The following SMPDL3B variants were observed in gnomAD, a reference collection of about 807,000 sequenced individuals.
The protein encoded by SMPDL3B is sphingomyelin phosphodiesterase acid like 3B.
A neutral mutation model predicts 37.9 loss-of-function variants in SMPDL3B; 31 were observed. The observed-to-expected ratio is 0.82, with a 90% CI of 0.61 to 1.10. SMPDL3B has a LOEUF of 1.10. Ranked by LOEUF, SMPDL3B falls within the 50% of genes least tolerant of loss-of-function variation. The probability of loss-of-function intolerance (pLI) is 0.00; values close to 1 mark genes in which losing one functional copy is unlikely to be tolerated. For synonymous variants in SMPDL3B, 235 were observed against 242.6 expected (o/e 0.97, Z 0.29); for missense variants, 525 against 597.8 (o/e 0.88, Z 1.27).
At chr1:27,953,145 C>G in intron 3 of SMPDL3B, 70 bp from the exon 4 acceptor site, 1 of 1,303,390 alleles carries the variant, frequency 7.7e-7, no homozygotes, top group Non-Finnish European at 1.1e-6. Context: ...GGCCAGTGGC[C>G]AACAGAAAAT....
intron 1 of SMPDL3B, among the ~76,000 whole-genome samples, chr1:27,935,507 T>C (rs1283604233): frequency 6.6e-6 from 1 of 151,786 alleles, no homozygotes; most frequent in African/African-American, 2.4e-5. Flanking sequence ...TTAGTAGAGG[T>C]AGGAGGTGGC....
At chr1:27,935,887 G>A (rs2090303762) in intron 1 of SMPDL3B, among the ~76,000 whole-genome samples, 1 of 152,142 alleles carries the variant, frequency 6.6e-6, no homozygotes, top group African/African-American at 2.4e-5. Flanking sequence ...GGTCTGAGGT[G>A]GACACACAGG....
At chr1:27,947,476 G>T (rs953910832) in intron 2 of SMPDL3B, among the ~76,000 whole-genome samples, 11 of 151,084 alleles carry the variant, frequency 7.3e-5, no homozygotes, top group African/African-American at 2.4e-5. Context: ...TCCCTTTGAG[G>T]ATGGCCATTA....
intron 5 of SMPDL3B, among the ~76,000 whole-genome samples, chr1:27,954,902 C>T (rs12031999): frequency 0.82 from 125,179 of 152,208 alleles, 54,047 homozygotes; most frequent in Non-Finnish European, 0.96. Flanking sequence ...GTCCAGCTAG[C>T]CTGCTGGCCT....
At chr1:27,947,572 T>C (rs562234906) in intron 2 of SMPDL3B, among the ~76,000 whole-genome samples, 5 of 144,752 alleles carry the variant, frequency 3.5e-5, no homozygotes, top group Admixed American at 6.8e-5. Flanking sequence ...GAGCCGAAAT[T>C]GCGCCACTGC....
chr1:27,958,530 C>T lies in SMPDL3B; in HGVS notation c.1060C>T (p.Arg354Cys), dbSNP rs1468540189. 6.2e-6 allele frequency: 10 copies of T among 1,613,656 alleles called. No homozygotes were observed. Among genetic ancestry groups the T allele is most frequent in the East Asian group, 4.5e-5 (2 of 44,890 alleles). Residue 354 changes from arginine to cysteine, a missense_variant, in exon 8 of 8, where the codon CGC becomes TGC. Coordinates refer to ENST00000373894, the MANE Select transcript of SMPDL3B (RefSeq NM_014474.4). The surrounding 1 kb of genome is among the most constrained non-coding windows in gnomAD (Gnocchi z 5.6). ...CCAGGCGAATGCTCAGGGGACGCCG[C>T]GCTGGGAGCTCGAGTACCAGCTGAC... ...LSQANAQGTP[R>C]WELEYQLTEA... is the part of the protein sequence containing the mutation.
At chr1:27,935,457 C>T (rs977967126) in intron 1 of SMPDL3B, among the ~76,000 whole-genome samples, 8 of 151,998 alleles carry the variant, frequency 5.3e-5, no homozygotes, top group Admixed American at 2.0e-4. Flanking sequence ...GGAGGGACAC[C>T]GACATTGCGA....
rs1557490194 is a variant in SMPDL3B at position 27,938,678 on chromosome 1, A to G, written c.61+3434A>G. Among the ~76,000 whole-genome samples, 4 of 152,360 alleles carry G rather than the reference A, an allele frequency of 2.6e-5. No homozygotes were observed. The South Asian group carries it at 8.3e-4, about 32-fold the overall frequency. On this transcript the variant is annotated intron_variant, in intron 1 of 7. Transcript: ENST00000373894. ...GTATGATGGGGCGAAAGCCTTAGGC[A>G]TTCATTAGAAACCACACTTCGAGAA...
chr1:27,954,305 G>A, intron 4 of SMPDL3B, 49 bp from the exon 5 acceptor site: 1 of 1,561,832 alleles, frequency 6.4e-7, no homozygotes, highest in South Asian at 1.2e-5. Flanking sequence ...GCGGAAGCCT[G>A]TCTGGCCAGA....
At chr1:27,947,451 C>A (rs1303835144) in intron 2 of SMPDL3B, among the ~76,000 whole-genome samples, 1 of 151,398 alleles carries the variant, frequency 6.6e-6, no homozygotes, top group East Asian at 2.0e-4. Flanking sequence ...AATTTGACTT[C>A]TAAGAGAGCT....
chr1:27,945,147 C>G lies in SMPDL3B; in HGVS notation c.62-85C>G. ...TCCATTTGCCTGTGTAACGCCCCTGCCCCAGCCCAGGGCTCCCCTGGACTT... is the reference window on the plus strand; with the variant it reads ...TCCATTTGCCTGTGTAACGCCCCTGGCCCAGCCCAGGGCTCCCCTGGACTT... On this transcript the variant is annotated intron_variant, in intron 1 of 7. Transcript: ENST00000373894. This position sits in a 1 kb window ranked among gnomAD's most constrained non-coding sequence, Gnocchi z 4.0. The G allele has an allele frequency of 7.4e-7, 1 of 1,343,074 alleles. No homozygotes were observed. Among genetic ancestry groups the G allele is most frequent in the Non-Finnish European group, 1.1e-6 (1 of 943,980 alleles). 83.2% of individuals were successfully genotyped at this position (1,343,074 alleles called of 1,614,324 possible). A position where few individuals can be genotyped will look rare whatever the true frequency, so the allele number is the denominator to read the frequency against.
chr1:27,938,865 C>T (rs564937734), intron 1 of SMPDL3B: 4 of 152,338 alleles, frequency 2.6e-5, no homozygotes, highest in African/African-American at 9.6e-5. Context: ...GGCTAAGCTA[C>T]GATGCCCTTT....
At chr1:27,935,320 CA>C in intron 1 of SMPDL3B, 76 bp downstream of exon 1, 1 of 1,155,290 alleles carries the variant, frequency 8.7e-7, no homozygotes, top group Non-Finnish European at 1.3e-6. Context: ...TGCTCGCAGC[CA>C]GCTTGAAGGT....
In SMPDL3B at chr1:27,954,429, A is replaced by G; in HGVS notation, c.593A>G (p.Tyr198Cys). Residue 198 changes from tyrosine (Y) to cysteine (C), a missense_variant, in exon 5 of 8, where the codon TAT (tyrosine) becomes TGT (cysteine). By Grantham distance (194) the Tyr-to-Cys change is radical. Transcript: ENST00000373894. The part of the protein sequence containing the change: ...RIVVLNTNLY[Y>C]TSNALTADMA... ...GTGGTCCTCAACACCAATCTGTACTATACCAGCAATGCGCTGACAGCAGAC... is the reference window on the plus strand; with the variant it reads ...GTGGTCCTCAACACCAATCTGTACTGTACCAGCAATGCGCTGACAGCAGAC... The G allele has an allele frequency of 6.2e-7, 1 of 1,614,100 alleles. No homozygotes were observed. The highest frequency in any genetic ancestry group is 1.1e-5 in the South Asian group (1 of 91,086).
At chr1:27,956,388 T>A (rs1638281681) in intron 7 of SMPDL3B, 1 of 1,275,112 alleles carries the variant, frequency 7.8e-7, no homozygotes, top group Non-Finnish European at 1.0e-6. Flanking sequence ...TAATCTCCTA[T>A]AGCACCACTT....
chr1:27,958,846 G>T lies in SMPDL3B; in HGVS notation c.*8G>T. The T allele has an allele frequency of 6.4e-7, 1 of 1,568,280 alleles. No individual in the cohort carries two copies. Among genetic ancestry groups the T allele is most frequent in the Non-Finnish European group, 8.7e-7 (1 of 1,152,530 alleles). On this transcript the variant is annotated 3_prime_UTR_variant, in exon 8 of 8. Transcript: ENST00000373894. This position sits in a 1 kb window ranked among gnomAD's most constrained non-coding sequence, Gnocchi z 5.6. ...TGCACGCTCGTGCTGTGACCTGCCAGGCTCACCTTCTTCCTGGTAACGGGT... is the reference window on the plus strand; with the variant it reads ...TGCACGCTCGTGCTGTGACCTGCCATGCTCACCTTCTTCCTGGTAACGGGT...
chr1:27,951,258 G>A (rs2090453534), intron 3 of SMPDL3B, among the ~76,000 whole-genome samples: 1 of 152,026 alleles, frequency 6.6e-6, no homozygotes. Context: ...TTTTAGAGAT[G>A]GTACTATGAG....
At position 27,956,071 on chromosome 1, in the gene SMPDL3B, C is replaced by T. The variant is rs1638264603; in HGVS notation, c.994C>T (p.Leu332=). The change falls in exon 7 of 8, where the codon CTG becomes TTG. Residue 332 remains leucine (L), a synonymous_variant. Transcript: ENST00000373894. ...GGTGTTCGAATATGACCGAGCCACA[C>T]TGAGCCTGAAGGTCAGGAGTCCTGC... ...IRVFEYDRAT[L]SLKDMVTYFM... The T allele has an allele frequency of 6.2e-7, 1 of 1,614,168 alleles. No homozygotes were observed. Among genetic ancestry groups the T allele is most frequent in the Non-Finnish European group, 8.5e-7 (1 of 1,180,024 alleles).
intron 2 of SMPDL3B, among the ~76,000 whole-genome samples, chr1:27,947,332 G>C (rs554002254): frequency 1.3e-5 from 2 of 152,028 alleles, no homozygotes; most frequent in Non-Finnish European, 2.9e-5. Context: ...CACTGCACCC[G>C]GCCACAGTTG....
Sources: allele counts gnomAD v4.1 joint callset (sites outside exome capture counted in the v4.1 genomes callset), GRCh38; gene constraint gnomAD v4.1.1; non-coding constraint Gnocchi (gnomAD v3.1); transcripts MANE v1.5; gene names NCBI Gene and HGNC (gene_info 2026-07-23, HGNC 2026-07-21).